The following PITPNC1 variants were observed in gnomAD, a reference collection of about 807,000 sequenced individuals.
PITPNC1 encodes the protein cytoplasmic phosphatidylinositol transfer protein 1.
In PITPNC1, 18 loss-of-function variants were observed where a neutral mutation model predicts 44.7. The ratio of observed to expected loss-of-function variants is 0.40; its 90% CI spans 0.28 to 0.60. PITPNC1 has a LOEUF of 0.60. PITPNC1 is among the 20% of genes least tolerant of loss of function. The pLI is 0.39. For synonymous variants in PITPNC1, 141 were observed against 149.6 expected, an observed-to-expected ratio of 0.94 and a Z score of 0.42; for missense variants, 290 against 418.4, an observed-to-expected ratio of 0.69 and a Z score of 2.68.
At chr17:67,531,677 A>G (rs537165406) in intron 1 of PITPNC1, among the ~76,000 whole-genome samples, 21 of 152,320 alleles carry the variant, frequency 1.4e-4, no homozygotes, top group South Asian at 2.1e-4. Context: ...TTATGCAGAC[A>G]GACAGGGGAC....
intron 1 of PITPNC1, among the ~76,000 whole-genome samples, chr17:67,427,225 T>A (rs949204982): frequency 6.6e-6 from 1 of 152,144 alleles, no homozygotes; most frequent in Non-Finnish European, 1.5e-5. Flanking sequence ...TTATTTATTT[T>A]TTTGAGACAG....
At chr17:67,641,201 T>C (rs1219286474) in intron 6 of PITPNC1, among the ~76,000 whole-genome samples, 1 of 152,156 alleles carries the variant, frequency 6.6e-6, no homozygotes, top group Non-Finnish European at 1.5e-5. Flanking sequence ...GAGCTGGGCC[T>C]TAAAAACATA....
At chr17:67,648,924 C>T (rs1228727022) in intron 6 of PITPNC1, among the ~76,000 whole-genome samples, 1 of 152,134 alleles carries the variant, frequency 6.6e-6, no homozygotes, top group Non-Finnish European at 1.5e-5. Flanking sequence ...GAGGCCAAGG[C>T]GGGAGGATCA....
chr17:67,563,062 C>T (rs1394096474), intron 4 of PITPNC1, among the ~76,000 whole-genome samples: 1 of 152,184 alleles, frequency 6.6e-6, no homozygotes, highest in Non-Finnish European at 1.5e-5. Context: ...AAACTCTATG[C>T]CTGCCCTCAT....
chr17:67,687,164 G>C (rs370407062), intron 8 of PITPNC1: 1 of 1,581,576 alleles, frequency 6.3e-7, no homozygotes, highest in Non-Finnish European at 8.7e-7. Flanking sequence ...GGATGACATA[G>C]AGAGTCATGC....
At chr17:67,592,012 G>A (rs189523821) in intron 5 of PITPNC1, among the ~76,000 whole-genome samples, 282 of 151,612 alleles carry the variant, frequency 1.9e-3, no homozygotes, top group Non-Finnish European at 3.3e-3. Context: ...CACACCCAGC[G>A]CAATGATTTT....
chr17:67,584,080 G>A (rs565075104), intron 5 of PITPNC1, among the ~76,000 whole-genome samples: 1 of 152,128 alleles, frequency 6.6e-6, no homozygotes, highest in East Asian at 1.9e-4. Context: ...AATCTAAGGG[G>A]CAACAAGACT....
chr17:67,552,886 A>T (rs1304254064), intron 3 of PITPNC1, among the ~76,000 whole-genome samples: 2 of 150,828 alleles, frequency 1.3e-5, no homozygotes, highest in African/African-American at 4.9e-5. Flanking sequence ...TATGATTCTT[A>T]TTTCCCTGTT....
At chr17:67,428,296 T>C (rs1457891700) in intron 1 of PITPNC1, among the ~76,000 whole-genome samples, 1 of 152,128 alleles carries the variant, frequency 6.6e-6, no homozygotes, top group African/African-American at 2.4e-5. Context: ...CCCAGGAATT[T>C]GGGAGGCCGA....
At chr17:67,387,962 A>G (rs963078511) in intron 1 of PITPNC1, among the ~76,000 whole-genome samples, 1 of 152,214 alleles carries the variant, frequency 6.6e-6, no homozygotes. Flanking sequence ...CTCAAGGACC[A>G]TGTGTGGCTT....
intron 1 of PITPNC1, among the ~76,000 whole-genome samples, chr17:67,514,135 C>T (rs1231178833): frequency 6.6e-6 from 1 of 152,064 alleles, no homozygotes; most frequent in Non-Finnish European, 1.5e-5. Flanking sequence ...GGGAGGGGGA[C>T]ACCAACTGTG....
At chr17:67,391,770 C>T (rs112102133) in intron 1 of PITPNC1, among the ~76,000 whole-genome samples, 6,378 of 152,068 alleles carry the variant, frequency 0.042, 431 homozygotes, top group African/African-American at 0.15. Context: ...AGTGAGCCAC[C>T]GCACCGGGCC....
intron 1 of PITPNC1, among the ~76,000 whole-genome samples, chr17:67,425,083 G>A (rs546665071): frequency 2.0e-5 from 3 of 151,642 alleles, no homozygotes; most frequent in African/African-American, 2.4e-5. Flanking sequence ...AAATTCCACC[G>A]CCTATCCCAA....
intron 4 of PITPNC1, among the ~76,000 whole-genome samples, chr17:67,575,785 T>C (rs148503036): frequency 2.8e-5 from 2 of 70,566 alleles, no homozygotes; most frequent in African/African-American, 1.1e-4. Flanking sequence ...TTCTTTCTTT[T>C]CTTTCTTTCC....
In PITPNC1 at chr17:67,591,209, A is replaced by G. The variant is rs375152521; in HGVS notation, c.366+12952A>G. On this transcript the variant is annotated intron_variant, in intron 5 of 8. Coordinates refer to ENST00000581322, the MANE Select transcript of PITPNC1 (RefSeq NM_012417.4). ...CACAAACTCAGATTGATGGGATTCT[A>G]TAAAATAGCTGGCCTGTACTCTCCA... Among the ~76,000 whole-genome samples, 92 of 152,348 alleles carry G rather than the reference A, an allele frequency of 6.0e-4. 1 individual carries two copies. In the South Asian group the frequency reaches 0.018, roughly 30 times the overall value.
intron 6 of PITPNC1, among the ~76,000 whole-genome samples, chr17:67,660,497 T>C (rs2042327448): frequency 6.7e-6 from 1 of 150,318 alleles, no homozygotes; most frequent in Non-Finnish European, 1.5e-5. Flanking sequence ...TCATGTATCA[T>C]ATATATTTTA....
intron 5 of PITPNC1, among the ~76,000 whole-genome samples, chr17:67,623,826 G>A (rs1598900073): frequency 6.6e-6 from 1 of 152,154 alleles, no homozygotes; most frequent in Admixed American, 6.5e-5. Flanking sequence ...TCCCAAAATT[G>A]TGGATTTATG....
intron 5 of PITPNC1, among the ~76,000 whole-genome samples, chr17:67,625,997 T>C (rs1309641826): frequency 6.6e-6 from 1 of 150,996 alleles, no homozygotes; most frequent in Non-Finnish European, 1.5e-5. Context: ...TTGGTTTTGG[T>C]TTTTTTTGAG....
intron 1 of PITPNC1, among the ~76,000 whole-genome samples, chr17:67,381,066 G>A (rs1458376553): frequency 1.3e-5 from 2 of 152,066 alleles, no homozygotes; most frequent in Non-Finnish European, 1.5e-5. Context: ...GGTGGCTCAC[G>A]CCTGTAATCC....
Sources: gnomAD v4.1 joint callset for allele counts (sites outside exome capture counted in the v4.1 genomes callset) on GRCh38, gnomAD v4.1.1 for gene constraint, MANE v1.5 for transcripts, NCBI Gene and HGNC (gene_info 2026-07-23, HGNC 2026-07-21) for gene names.